Variants in AUTS2 observed in about 807,000 individuals in gnomAD.
The protein encoded by AUTS2 is autism susceptibility gene 2 protein.
A neutral mutation model predicts 112.4 loss-of-function variants in AUTS2; 17 were observed. That is an observed-to-expected ratio of 0.15 (90% CI 0.10 to 0.23). The LOEUF (loss-of-function observed/expected upper bound fraction) is 0.23. Ranked by LOEUF, AUTS2 falls within the 10% of genes least tolerant of loss-of-function variation. AUTS2 has a pLI of 1.00. For synonymous variants in AUTS2, 751 were observed against 702.7 expected, an observed-to-expected ratio of 1.07 and a Z score of -1.09; for missense variants, 1,510 against 1,701.6, an observed-to-expected ratio of 0.89 and a Z score of 1.98.
At chr7:69,806,200 T>C (rs1253256266) in intron 1 of AUTS2, among the ~76,000 whole-genome samples, 2 of 115,134 alleles carry the variant, frequency 1.7e-5, no homozygotes, top group Admixed American at 8.0e-5. Context: ...GCCAAGGCTT[T>C]TTTTTTTTTT....
intron 1 of AUTS2, among the ~76,000 whole-genome samples, chr7:69,602,018 G>GTATATATATATATATATA (rs765066810): frequency 2.8e-3 from 65 of 22,932 alleles, no homozygotes; most frequent in Middle Eastern, 0.016. Flanking sequence ...ATATGTGTGT[G>GTATATATATATATATATA]TGTATATATA....
chr7:69,678,679 A>G (rs1205259808), intron 1 of AUTS2, among the ~76,000 whole-genome samples: 1 of 152,162 alleles, frequency 6.6e-6, no homozygotes, highest in African/African-American at 2.4e-5. Context: ...TTCTTGTGGA[A>G]GGGAGGAAGT....
Position 70,156,823 on chromosome 7 carries a change from G to A in AUTS2, c.660+22252G>A, listed in dbSNP as rs191927351. Among the ~76,000 whole-genome samples the A allele has an allele frequency of 5.3e-3, 779 of 146,232 alleles. 1 individual carries two copies. The highest frequency in any genetic ancestry group is 8.8e-3 in the Non-Finnish European group (589 of 67,070). Reference sequence around the variant, plus strand: ...CCAGCACTTTGGGAAGCCGAGGCAGGTGGATCACGAGGTCAGGAGTATGAG... The same window carrying A: ...CCAGCACTTTGGGAAGCCGAGGCAGATGGATCACGAGGTCAGGAGTATGAG... On this transcript the variant is annotated intron_variant, in intron 4 of 18. Coordinates refer to ENST00000342771, the MANE Select transcript of AUTS2 (RefSeq NM_015570.4).
At chr7:70,751,123 CAG>C (rs2129555404) in intron 6 of AUTS2, among the ~76,000 whole-genome samples, 1 of 152,264 alleles carries the variant, frequency 6.6e-6, no homozygotes, top group East Asian at 1.9e-4. Flanking sequence ...GGTAAAATGA[CAG>C]GGGCGCGTTG....
In AUTS2 at chr7:70,134,617, AT is replaced by A. The variant is rs751347316; in HGVS notation, c.660+49del. 9 of 1,562,048 alleles carry A rather than the reference AT, an allele frequency of 5.8e-6. No homozygotes were observed. In the African/African-American group the frequency reaches 1.2e-4, roughly 21 times the overall value. On this transcript the variant is annotated intron_variant, in intron 4 of 18. Coordinates refer to ENST00000342771, the MANE Select transcript of AUTS2 (RefSeq NM_015570.4). ...ACATATGTGCCTTGCATTGGCATTGATTTCCTTCTATAATGAATGCTCATTG... is the reference window on the plus strand; with the variant it reads ...ACATATGTGCCTTGCATTGGCATTGATTCCTTCTATAATGAATGCTCATTG...
At chr7:70,389,308 C>T (rs1427458143) in intron 4 of AUTS2, among the ~76,000 whole-genome samples, 1 of 152,178 alleles carries the variant, frequency 6.6e-6, no homozygotes, top group Non-Finnish European at 1.5e-5. Context: ...TGTATTTCCA[C>T]CCAATCCTTC....
At chr7:70,732,069 G>A (rs1277780204) in intron 6 of AUTS2, among the ~76,000 whole-genome samples, 1 of 151,966 alleles carries the variant, frequency 6.6e-6, no homozygotes, top group Non-Finnish European at 1.5e-5. Context: ...GTCTAGTGTC[G>A]GGTGTTGCAT....
chr7:70,315,029 A>G (rs1429158890), intron 4 of AUTS2, among the ~76,000 whole-genome samples: 2 of 152,222 alleles, frequency 1.3e-5, no homozygotes, highest in African/African-American at 4.8e-5. Flanking sequence ...GTCACCCTTC[A>G]TAACCCGTGG....
At chr7:70,414,191 G>A (rs966349985) in intron 4 of AUTS2, among the ~76,000 whole-genome samples, 2 of 152,212 alleles carry the variant, frequency 1.3e-5, no homozygotes, top group African/African-American at 4.8e-5. Flanking sequence ...TAGGCTGTCA[G>A]CGCCTGTTAC....
At chr7:70,349,239 G>C (rs993155813) in intron 4 of AUTS2, among the ~76,000 whole-genome samples, 1 of 152,188 alleles carries the variant, frequency 6.6e-6, no homozygotes, top group Non-Finnish European at 1.5e-5. Flanking sequence ...GAGGGGTGAC[G>C]TGCGACTTAG....
At chr7:70,216,084 T>C (rs1584888215) in intron 4 of AUTS2, among the ~76,000 whole-genome samples, 1 of 152,234 alleles carries the variant, frequency 6.6e-6, no homozygotes, top group South Asian at 2.1e-4. Flanking sequence ...GCTAGGGCAG[T>C]GTTGTATACT....
chr7:69,983,793 A>G (rs1798393356), intron 2 of AUTS2, among the ~76,000 whole-genome samples: 1 of 139,076 alleles, frequency 7.2e-6, no homozygotes, highest in Non-Finnish European at 1.5e-5. Context: ...CACTTATGTG[A>G]AGTAATTTTT....
At chr7:69,758,837 A>G (rs1175963031) in intron 1 of AUTS2, among the ~76,000 whole-genome samples, 4 of 152,122 alleles carry the variant, frequency 2.6e-5, no homozygotes, top group African/African-American at 9.7e-5. Flanking sequence ...CTAGTAAGAG[A>G]TGATCATCAG....
intron 5 of AUTS2, among the ~76,000 whole-genome samples, chr7:70,441,088 G>A (rs1796104772): frequency 6.6e-6 from 1 of 152,170 alleles, no homozygotes; most frequent in Non-Finnish European, 1.5e-5. Context: ...TGCCACCCAT[G>A]CTTATGTCTG....
intron 4 of AUTS2, among the ~76,000 whole-genome samples, chr7:70,273,564 T>A (rs566488179): frequency 6.6e-6 from 1 of 152,142 alleles, no homozygotes; most frequent in East Asian, 1.9e-4. Flanking sequence ...ACATTAGGGA[T>A]AGAAAAAATG....
At chr7:70,470,744 T>C (rs1797347481) in intron 5 of AUTS2, among the ~76,000 whole-genome samples, 1 of 152,144 alleles carries the variant, frequency 6.6e-6, no homozygotes, top group South Asian at 2.1e-4. Context: ...CCTGTGGTTG[T>C]GGAGATGGTC....
chr7:70,720,676 G>A (rs908878269), intron 6 of AUTS2, among the ~76,000 whole-genome samples: 2 of 152,026 alleles, frequency 1.3e-5, no homozygotes, highest in Admixed American at 1.3e-4. Flanking sequence ...TTTGTCACCA[G>A]GCCAAGTTTG....
intron 1 of AUTS2, among the ~76,000 whole-genome samples, chr7:69,775,847 C>T (rs1169616016): frequency 6.6e-6 from 1 of 152,154 alleles, no homozygotes; most frequent in Non-Finnish European, 1.5e-5. Flanking sequence ...AATGTCATTC[C>T]TGATAGCTTC....
chr7:69,663,249 T>C (rs1473684563), intron 1 of AUTS2: 1 of 152,230 alleles, frequency 6.6e-6, no homozygotes, highest in Non-Finnish European at 1.5e-5. Context: ...TTGGCTGATA[T>C]ATTGGTGTTA....
Sources: gnomAD v4.1 joint callset for allele counts (sites outside exome capture counted in the v4.1 genomes callset) on GRCh38, gnomAD v4.1.1 for gene constraint, MANE v1.5 for transcripts, NCBI Gene and HGNC (gene_info 2026-07-23, HGNC 2026-07-21) for gene names.